Variants in EYS observed in about 807,000 individuals in gnomAD.
EYS encodes the protein protein eyes shut homolog.
A neutral mutation model predicts 282.1 loss-of-function variants in EYS; 250 were observed. The ratio of observed to expected loss-of-function variants is 0.89; its 90% confidence interval spans 0.80 to 0.98. The LOEUF (loss-of-function observed/expected upper bound fraction) is 0.98. Among genes scored for constraint, EYS ranks in the 50% least tolerant of loss-of-function variants. The pLI is 0.00. For synonymous variants in EYS, 1,355 were observed against 1,282.9 expected (o/e 1.06, Z -1.20); for missense variants, 4,016 against 3,709.0 (o/e 1.08, Z -2.15).
intron 2 of EYS, among the ~76,000 whole-genome samples, chr6:65,570,127 T>C (rs9360137): frequency 9.1e-6 from 1 of 109,888 alleles, no homozygotes; most frequent in African/African-American, 3.7e-5. Context: ...AAATAAAAAA[T>C]AAAATAAAAA....
At chr6:64,598,538 A>G (rs1322248953) in intron 24 of EYS, among the ~76,000 whole-genome samples, 3 of 152,214 alleles carry the variant, frequency 2.0e-5, no homozygotes, top group Non-Finnish European at 4.4e-5. Flanking sequence ...ATCATGACTT[A>G]AAAAATTATT....
chr6:64,536,097 AT>A (rs1174328951), intron 26 of EYS, among the ~76,000 whole-genome samples: 8 of 152,058 alleles, frequency 5.3e-5, no homozygotes, highest in Admixed American at 4.6e-4. Flanking sequence ...TTTAGCATCT[AT>A]TTTTATATAA....
rs1425535742 is a variant in EYS, at chr6:64,386,966, A to G, written c.6078+1724T>C. 2.6e-5 allele frequency among the ~76,000 whole-genome samples: 4 copies of G among 152,162 alleles called. 1 individual carries two copies. The highest frequency in any genetic ancestry group is 6.3e-3 in the Middle Eastern group (2 of 316). ...TAAATGGCTCCCCCATTTAAGAAGT[A>G]TGTAATGTATAGTATATGTATATGG... On this transcript the variant is annotated intron_variant, in intron 29 of 42. Transcript: ENST00000503581.
At chr6:65,330,527 T>A (rs1249993049) in intron 11 of EYS, 5 of 984,164 alleles carry the variant, frequency 5.1e-6, no homozygotes, top group Non-Finnish European at 6.0e-6. Context: ...TTTTTGAAGA[T>A]TTCAGGGCAA....
chr6:64,011,500 G>A (rs1311564669), intron 33 of EYS, among the ~76,000 whole-genome samples: 1 of 151,342 alleles, frequency 6.6e-6, no homozygotes, highest in African/African-American at 2.4e-5. Context: ...TCTATCTCAG[G>A]TTTGTTTTGT....
intron 33 of EYS, among the ~76,000 whole-genome samples, chr6:64,055,447 T>C (rs1268696045): frequency 6.6e-6 from 1 of 152,122 alleles, no homozygotes; most frequent in Non-Finnish European, 1.5e-5. Flanking sequence ...AAAAGAAACA[T>C]GTAAGATCCT....
intron 26 of EYS, among the ~76,000 whole-genome samples, chr6:64,523,129 T>G (rs1364743512): frequency 6.6e-6 from 1 of 151,696 alleles, no homozygotes; most frequent in Non-Finnish European, 1.5e-5. Context: ...AACTAAATCC[T>G]CTTGGCATGA....
In EYS at chr6:63,778,127, G is replaced by T. The variant is rs1770112837; in HGVS notation, c.7777C>A (p.Leu2593Met). ...RTEKDGHFRG[L>M]GNPEGHPNAG... is the part of the protein sequence containing the mutation. ...TTTGGGTGGCCCTCAGGATTTCCCA[G>T]TCCTCTGAAATGGCCATCCTTCTCA... Residue 2593 changes from leucine to methionine, a missense_variant, in exon 40 of 43, where the codon CTG (leucine) becomes ATG (methionine). Physicochemically the swap from Leu to Met is conservative, Grantham distance 15. Transcript: ENST00000503581. The T allele has an allele frequency of 6.4e-7, 1 of 1,551,718 alleles. No individual in the cohort carries two copies.
chr6:64,037,278 T>C (rs1287054948), intron 33 of EYS, among the ~76,000 whole-genome samples: 1 of 152,220 alleles, frequency 6.6e-6, no homozygotes, highest in African/African-American at 2.4e-5. Flanking sequence ...AACCACATTA[T>C]ACATTAACAC....
intron 35 of EYS, among the ~76,000 whole-genome samples, chr6:63,901,529 A>G (rs961665752): frequency 2.6e-5 from 4 of 152,210 alleles, no homozygotes; most frequent in Non-Finnish European, 5.9e-5. Flanking sequence ...AGTTTAATGA[A>G]CCCCAGTTAG....
chr6:65,375,910 C>T (rs1329129020), intron 8 of EYS, among the ~76,000 whole-genome samples: 1 of 151,946 alleles, frequency 6.6e-6, no homozygotes, highest in East Asian at 1.9e-4. Flanking sequence ...TGACTGGGGT[C>T]CCTTAAAGTC....
chr6:64,652,085 T>C (rs959866447), intron 22 of EYS, among the ~76,000 whole-genome samples: 2 of 152,174 alleles, frequency 1.3e-5, no homozygotes, highest in African/African-American at 2.4e-5. Context: ...TGCCAAGAAC[T>C]TATTTTAGGA....
chr6:64,875,904 A>T (rs1766736616), intron 19 of EYS, among the ~76,000 whole-genome samples: 1 of 152,038 alleles, frequency 6.6e-6, no homozygotes, highest in African/African-American at 2.4e-5. Context: ...TTTAATAGAC[A>T]TTACTTAATC....
At chr6:64,886,172 A>C (rs1767078950) in intron 19 of EYS, among the ~76,000 whole-genome samples, 1 of 151,928 alleles carries the variant, frequency 6.6e-6, no homozygotes, top group African/African-American at 2.4e-5. Context: ...AGAAATTTAG[A>C]GGGCTAATGC....
At chr6:65,501,229 G>A (rs1766440002) in intron 2 of EYS, among the ~76,000 whole-genome samples, 1 of 151,736 alleles carries the variant, frequency 6.6e-6, no homozygotes, top group African/African-American at 2.4e-5. Flanking sequence ...GTATACATGT[G>A]CGTTTGTCTG....
chr6:64,246,070 G>T (rs1453595246), intron 30 of EYS, among the ~76,000 whole-genome samples: 8 of 139,430 alleles, frequency 5.7e-5, no homozygotes, highest in Non-Finnish European at 1.5e-5. Flanking sequence ...ATCATAATAG[G>T]TTTTGTCCAT....
chr6:65,504,607 G>A (rs1006855538), intron 2 of EYS, among the ~76,000 whole-genome samples: 1 of 151,328 alleles, frequency 6.6e-6, no homozygotes, highest in Non-Finnish European at 1.5e-5. Context: ...ATCCAGATTA[G>A]TTGTTAAATT....
At chr6:64,851,779 C>T (rs544227814) in intron 19 of EYS, among the ~76,000 whole-genome samples, 1 of 152,014 alleles carries the variant, frequency 6.6e-6, no homozygotes, top group South Asian at 2.1e-4. Context: ...GGGAAAAATA[C>T]ACAGTGTGGC....
intron 35 of EYS, among the ~76,000 whole-genome samples, chr6:63,941,580 A>G (rs1053075082): frequency 1.3e-5 from 2 of 152,218 alleles, no homozygotes; most frequent in African/African-American, 4.8e-5. Context: ...GATTCTGGAT[A>G]TTAGCCCCTG....
Sources: gnomAD v4.1 joint callset for allele counts (sites outside exome capture counted in the v4.1 genomes callset) on GRCh38, gnomAD v4.1.1 for gene constraint, MANE v1.5 for transcripts, NCBI Gene and HGNC (gene_info 2026-07-23, HGNC 2026-07-21) for gene names.